Variants in CEP57 observed in about 807,000 individuals in gnomAD.
CEP57 encodes the protein centrosomal protein of 57 kDa.
A neutral mutation model predicts 68.0 loss-of-function variants in CEP57; 40 were observed. The observed-to-expected ratio is 0.59, with a 90% CI of 0.46 to 0.77. The LOEUF is 0.77. Ranked by LOEUF, CEP57 falls within the 30% of genes least tolerant of loss-of-function variation. The pLI is 0.00. For missense variants in CEP57, 606 were observed against 580.7 expected, an observed-to-expected ratio of 1.04 and a Z score of -0.45; for synonymous variants, 219 against 198.7, an observed-to-expected ratio of 1.10 and a Z score of -0.86.
intron 2 of CEP57, among the ~76,000 whole-genome samples, chr11:95,806,136 C>T (rs558957745): frequency 2.6e-5 from 4 of 152,208 alleles, no homozygotes; most frequent in Admixed American, 2.0e-4. Context: ...TTCAAAAGAA[C>T]CATCCTGTAA....
chr11:95,803,561 G>GC (rs915486494), intron 2 of CEP57, among the ~76,000 whole-genome samples: 6 of 74,214 alleles, frequency 8.1e-5, no homozygotes, highest in African/African-American at 1.5e-4. Context: ...TTTGGCCCCT[G>GC]CCCCCCCGCC....
intron 2 of CEP57, among the ~76,000 whole-genome samples, chr11:95,811,974 CAT>C (rs1478425520): frequency 6.6e-6 from 1 of 152,034 alleles, no homozygotes; most frequent in Non-Finnish European, 1.5e-5. Flanking sequence ...TTATTTTACA[CAT>C]ATAGGAAAAA....
chr11:95,802,320 T>A (rs1393794923), intron 2 of CEP57, among the ~76,000 whole-genome samples: 1 of 151,006 alleles, frequency 6.6e-6, no homozygotes, highest in Non-Finnish European at 1.5e-5. Flanking sequence ...GGTGGCATGA[T>A]CTTGGCTCAC....
intron 8 of CEP57, chr11:95,826,182 A>G (rs1238415943): frequency 6.6e-6 from 1 of 152,180 alleles, no homozygotes; most frequent in Non-Finnish European, 1.5e-5. Context: ...GATAATGGGG[A>G]TGAAGGCCTG....
intron 2 of CEP57, among the ~76,000 whole-genome samples, chr11:95,807,029 G>C (rs1390496272): frequency 6.6e-6 from 1 of 152,168 alleles, no homozygotes; most frequent in Non-Finnish European, 1.5e-5. Context: ...GGCTCCAGAG[G>C]AAGGACCAGG....
chr11:95,816,298 C>CCA (rs1862296033), intron 4 of CEP57, among the ~76,000 whole-genome samples: 1 of 152,180 alleles, frequency 6.6e-6, no homozygotes. Context: ...TGGGGAACCA[C>CCA]CACGATGATC....
chr11:95,802,112 G>C (rs1002933011), intron 2 of CEP57, among the ~76,000 whole-genome samples: 3 of 152,150 alleles, frequency 2.0e-5, no homozygotes, highest in African/African-American at 7.2e-5. Flanking sequence ...GGATAAGTGT[G>C]TTGGGGAGGT....
At chr11:95,822,254 G>A in intron 7 of CEP57, 1 of 579,832 alleles carries the variant, frequency 1.7e-6, no homozygotes, top group East Asian at 2.9e-5. Context: ...TTGTGTATAT[G>A]TATACTGATT....
At chr11:95,814,363 T>C (rs1190629369) in intron 4 of CEP57, among the ~76,000 whole-genome samples, 2 of 150,646 alleles carry the variant, frequency 1.3e-5, no homozygotes, top group African/African-American at 2.4e-5. Flanking sequence ...GTGTATTTTT[T>C]TTTTTTTTTT....
intron 2 of CEP57, among the ~76,000 whole-genome samples, chr11:95,799,806 TAAC>T (rs1331148381): frequency 2.0e-5 from 3 of 152,196 alleles, no homozygotes; most frequent in Admixed American, 2.0e-4. Context: ...CATCCCCAGT[TAAC>T]AACATTTCTG....
chr11:95,829,330 A>G lies in CEP57; in HGVS notation c.1271A>G (p.Gln424Arg), dbSNP rs1364225656. ...ACTAAAGTTCGAAAATACCAAGCCC[A>G]GGTAACTCAGTTTTCCTTCACTCAA... ...QITKVRKYQAQLEKQKLEKQK... is the reference protein window; with the variant it reads ...QITKVRKYQARLEKQKLEKQK... Residue 424 changes from glutamine to arginine, a missense_variant and splice_region_variant, in exon 10 of 11, where the codon CAG becomes CGG. By Grantham distance (43) the Gln-to-Arg change is conservative (BLOSUM62 1). Transcript: ENST00000325542. 2.5e-6 allele frequency: 4 copies of G among 1,613,518 alleles called. No individual in the cohort carries two copies. The South Asian group carries it at 4.4e-5, about 18-fold the overall frequency.
chr11:95,831,259 C>G lies in CEP57; in HGVS notation c.*3C>G. ...GTAGTTTGTGTTGGGATTACTGACT[C>G]ATAACCAGGTCAGAAATTTTATTCA... On this transcript the variant is annotated 3_prime_UTR_variant, in exon 11 of 11. Transcript: ENST00000325542. The G allele has an allele frequency of 6.3e-7, 1 of 1,595,318 alleles. No individual in the cohort carries two copies. Among genetic ancestry groups the G allele is most frequent in the Non-Finnish European group, 8.6e-7 (1 of 1,163,466 alleles).
chr11:95,790,362 G>C, upstream of CEP57: 1 of 438,258 alleles, frequency 2.3e-6, no homozygotes, highest in South Asian at 2.7e-5. Flanking sequence ...CTGTAACCCC[G>C]GCGTTGTCTG....
At chr11:95,808,627 G>A (rs1861915256) in intron 2 of CEP57, among the ~76,000 whole-genome samples, 2 of 152,280 alleles carry the variant, frequency 1.3e-5, no homozygotes, top group Admixed American at 1.3e-4. Flanking sequence ...TTACATAATG[G>A]TAAAGGGATC....
intron 8 of CEP57, 43 bp downstream of exon 8, chr11:95,822,619 C>A (rs764825721): frequency 6.7e-7 from 1 of 1,488,806 alleles, no homozygotes; most frequent in Non-Finnish European, 9.4e-7. Flanking sequence ...CAACATTGAT[C>A]CCTGAATTAA....
rs577984171 is a variant in CEP57, at chr11:95,804,991, C to T, written c.202+5603C>T. 8.5e-5 allele frequency among the ~76,000 whole-genome samples: 13 copies of T among 152,228 alleles called. No individual in the cohort carries two copies. The East Asian group carries it at 2.5e-3, about 29-fold the overall frequency. ...GGGATATGTAAGCCATTCAAGAATACATAAAACAAAAGTGCACACCCCAGC... is the reference window on the plus strand; with the variant it reads ...GGGATATGTAAGCCATTCAAGAATATATAAAACAAAAGTGCACACCCCAGC... On this transcript the variant is annotated intron_variant, in intron 2 of 10. Coordinates refer to ENST00000325542, the MANE Select transcript of CEP57 (RefSeq NM_014679.5).
chr11:95,822,188 A>G, intron 7 of CEP57: 1 of 594,496 alleles, frequency 1.7e-6, no homozygotes, highest in Non-Finnish European at 3.0e-6. Flanking sequence ...GAACTACAGA[A>G]CACCATACAA....
chr11:95,824,024 G>A (rs1862628718), intron 8 of CEP57, among the ~76,000 whole-genome samples: 1 of 150,430 alleles, frequency 6.6e-6, no homozygotes, highest in Non-Finnish European at 1.5e-5. Flanking sequence ...GTCTGCAGCT[G>A]CGGTTGTCCA....
intron 8 of CEP57, 107 bp from the exon 9 acceptor site, chr11:95,827,679 A>C: frequency 8.1e-7 from 1 of 1,239,592 alleles, no homozygotes; most frequent in Non-Finnish European, 1.2e-6. Context: ...GGATTTATAT[A>C]CTCTACTTTA....
Sources: gnomAD v4.1 joint callset for allele counts (sites outside exome capture counted in the v4.1 genomes callset) on GRCh38, gnomAD v4.1.1 for gene constraint, MANE v1.5 for transcripts, NCBI Gene and HGNC (gene_info 2026-07-23, HGNC 2026-07-21) for gene names.